Variants in SHROOM2 observed in about 807,000 individuals in gnomAD.
The protein encoded by SHROOM2 is protein Shroom2.
Under a neutral mutation model 75.9 loss-of-function variants are expected in SHROOM2, and 33 were observed. The observed-to-expected ratio is 0.43, with a 90% CI of 0.33 to 0.58. The LOEUF is 0.58. Among genes scored for constraint, SHROOM2 ranks in the 20% least tolerant of loss-of-function variants. The probability of loss-of-function intolerance (pLI) is 0.04; values close to 1 mark genes in which losing one functional copy is unlikely to be tolerated. For synonymous variants in SHROOM2, 655 were observed against 663.6 expected, an observed-to-expected ratio of 0.99 and a Z score of 0.20; for missense variants, 1,434 against 1,461.2, an observed-to-expected ratio of 0.98 and a Z score of 0.30.
At chrX:9,797,623 T>C (rs909579524) in intron 1 of SHROOM2, among the ~76,000 whole-genome samples, 6 of 112,483 alleles carry the variant, frequency 5.3e-5, no homozygotes, top group Non-Finnish European at 7.5e-5. Flanking sequence ...TCCACGCCCA[T>C]TGGCGTCTTT....
chrX:9,877,952 G>A (rs1018548084), intron 2 of SHROOM2, among the ~76,000 whole-genome samples: 5 of 111,305 alleles, frequency 4.5e-5, no homozygotes, highest in Admixed American at 3.8e-4. Context: ...GTTGCCTGTT[G>A]CTGTCTTCTC....
intron 6 of SHROOM2, among the ~76,000 whole-genome samples, chrX:9,934,791 T>A (rs1354904516): frequency 9.0e-6 from 1 of 110,881 alleles, no homozygotes; most frequent in African/African-American, 3.3e-5. Flanking sequence ...TCCTTCCCGG[T>A]ACTGTATTTT....
intron 1 of SHROOM2, among the ~76,000 whole-genome samples, chrX:9,812,353 A>G (rs1371167429): frequency 1.8e-5 from 2 of 111,604 alleles, no homozygotes; most frequent in Non-Finnish European, 3.8e-5. Flanking sequence ...CCCATTCAAA[A>G]CTGGCAGCCT....
chrX:9,893,971 A>G (rs2084308375), intron 3 of SHROOM2, among the ~76,000 whole-genome samples: 2 of 109,747 alleles, frequency 1.8e-5, no homozygotes, highest in African/African-American at 6.7e-5. Flanking sequence ...AAAAAAACCA[A>G]AATCAACAAC....
At chrX:9,860,268 G>A (rs1475612426) in intron 1 of SHROOM2, among the ~76,000 whole-genome samples, 1 of 111,828 alleles carries the variant, frequency 8.9e-6, no homozygotes, top group Non-Finnish European at 1.9e-5. Context: ...GTGGTTTGGA[G>A]TGTCCTATTG....
intron 1 of SHROOM2, among the ~76,000 whole-genome samples, chrX:9,800,604 G>C (rs2083719133): frequency 9.1e-6 from 1 of 109,434 alleles, no homozygotes; most frequent in South Asian, 4.1e-4. Flanking sequence ...GCCTCCCAAA[G>C]TGCTGAGATT....
chrX:9,942,316 G>A (rs1012941511), intron 8 of SHROOM2, among the ~76,000 whole-genome samples: 5 of 111,777 alleles, frequency 4.5e-5, no homozygotes, highest in African/African-American at 1.6e-4. Context: ...CACACACCCA[G>A]CGAGCAGTCA....
intron 1 of SHROOM2, among the ~76,000 whole-genome samples, chrX:9,831,741 G>T (rs1022349819): frequency 1.6e-4 from 18 of 111,982 alleles, no homozygotes; most frequent in African/African-American, 5.8e-4. Flanking sequence ...AGGCGTGGCA[G>T]ATTCAGTGTC....
In SHROOM2 at chrX:9,894,728, G is replaced by T. The variant is rs373429063; in HGVS notation, c.820G>T (p.Gly274Cys). Residue 274 changes from glycine (G) to cysteine (C), a missense_variant, in exon 4 of 10, where the codon GGT becomes TGT. Coordinates refer to ENST00000380913, the MANE Select transcript of SHROOM2 (RefSeq NM_001649.4). ...CAGTTGTTTCCCGCCCAGGGTCCCCGGTGACAGCGGCAAAGGCCCCAGGCC... is the reference window on the plus strand; with the variant it reads ...CAGTTGTTTCCCGCCCAGGGTCCCCTGTGACAGCGGCAAAGGCCCCAGGCC... ...KLSCFPPRVP[G>C]DSGKGPRPEY... The T allele has an allele frequency of 1.7e-6, 2 of 1,210,987 alleles. No homozygotes were observed. Among genetic ancestry groups the T allele is most frequent in the South Asian group, 1.8e-5 (1 of 56,812 alleles).
At chrX:9,904,549 TGGG>T (rs2147025690) in intron 5 of SHROOM2, among the ~76,000 whole-genome samples, 1 of 111,649 alleles carries the variant, frequency 9.0e-6, no homozygotes, top group South Asian at 3.8e-4. Flanking sequence ...CGGCCTCTCT[TGGG>T]GGAGAGACTC....
chrX:9,902,333 G>A (rs149189916), intron 5 of SHROOM2, among the ~76,000 whole-genome samples: 1,859 of 110,509 alleles, frequency 0.017, 23 homozygotes, highest in Middle Eastern at 0.037. Context: ...ATGGATACAT[G>A]GGTGCATGGA....
rs377359384 is a variant in SHROOM2, at chrX:9,939,239, A to C, written c.4184A>C (p.Asn1395Thr). 1 of 1,208,550 alleles carries C rather than the reference A, an allele frequency of 8.3e-7. No homozygotes were observed. The highest frequency in any genetic ancestry group is 1.7e-5 in the African/African-American group (1 of 57,269). ...CCTGCGGCCGTGTCCCTGGCCACCA[A>C]TTCTACCTACTACAGCACGTCGGCC... is the stretch of plus-strand genomic sequence containing the variant. Reference protein sequence around the residue: ...SVPAAVSLATNSTYYSTSAPK... With the variant: ...SVPAAVSLATTSTYYSTSAPK... The change falls in exon 8 of 10, where the codon AAT (asparagine) becomes ACT (threonine). Residue 1395 changes from asparagine to threonine, a missense_variant. Physicochemically the swap from Asn to Thr is moderately conservative, Grantham distance 65. Coordinates refer to ENST00000380913, the MANE Select transcript of SHROOM2 (RefSeq NM_001649.4).
Position 9,895,747 on chromosome X carries a change from C to T in SHROOM2, c.1839C>T (p.Asp613=), listed in dbSNP as rs371921297. Residue 613 remains aspartate (D), a synonymous_variant, in exon 4 of 10, where the codon GAC becomes GAT. Transcript: ENST00000380913. ...GCGCCACCAGACCGCCACCGTTCGA[C>T]GCCCACGTGGGCAAGCCCACCCGAA... The part of the protein sequence containing the change: ...EDSATRPPPF[D]AHVGKPTRRS... 1.9e-5 allele frequency: 23 copies of T among 1,198,744 alleles called. No individual in the cohort carries two copies. Among genetic ancestry groups the T allele is most frequent in the Middle Eastern group, 2.3e-4 (1 of 4,344 alleles).
chrX:9,848,688 A>C (rs1418675843), intron 1 of SHROOM2, among the ~76,000 whole-genome samples: 1 of 109,862 alleles, frequency 9.1e-6, no homozygotes, highest in Non-Finnish European at 1.9e-5. Context: ...TAAGCATGTT[A>C]CCTCATATCT....
chrX:9,840,691 G>A (rs2083975014), intron 1 of SHROOM2, among the ~76,000 whole-genome samples: 1 of 112,040 alleles, frequency 8.9e-6, no homozygotes, highest in Admixed American at 9.6e-5. Flanking sequence ...TAGGGTAGAT[G>A]CTTCTAATCT....
Position 9,939,258 on chromosome X carries a change from G to T in SHROOM2, c.4203G>T (p.Thr1401=), listed in dbSNP as rs760749357. 8.3e-7 allele frequency: 1 copy of T among 1,209,909 alleles called. No individual in the cohort carries two copies. The highest frequency in any genetic ancestry group is 1.1e-6 in the Non-Finnish European group (1 of 894,461). Residue 1401 remains threonine (T), a synonymous_variant, in exon 8 of 10, where the codon ACG becomes ACT. Coordinates refer to ENST00000380913, the MANE Select transcript of SHROOM2 (RefSeq NM_001649.4). ...CCACCAATTCTACCTACTACAGCAC[G>T]TCGGCCCCCAAGGCGGAGCTGCTGA... ...SLATNSTYYS[T]SAPKAELLIK... is the part of the protein sequence containing the mutation.
chrX:9,808,934 T>C (rs2083775090), intron 1 of SHROOM2, among the ~76,000 whole-genome samples: 1 of 110,679 alleles, frequency 9.0e-6, no homozygotes, highest in African/African-American at 3.3e-5. Context: ...GGGTACAGTT[T>C]AGTGGTATTT....
intron 1 of SHROOM2, among the ~76,000 whole-genome samples, chrX:9,830,584 C>CTTTTTTTTTTTT (rs1166769024): frequency 8.9e-5 from 3 of 33,647 alleles, no homozygotes; most frequent in African/African-American, 2.4e-4. Flanking sequence ...CCCCTGGTTT[C>CTTTTTTTTTTTT]TTTTTTTTTT....
At chrX:9,819,219 A>C in intron 1 of SHROOM2, 3 of 942,684 alleles carry the variant, frequency 3.2e-6, no homozygotes, top group East Asian at 3.1e-5. Context: ...ACAGAGAACA[A>C]ATTTTTTAAT....
Sources: allele counts gnomAD v4.1 joint callset (sites outside exome capture counted in the v4.1 genomes callset), GRCh38; gene constraint gnomAD v4.1.1; transcripts MANE v1.5; gene names NCBI Gene and HGNC (gene_info 2026-07-23, HGNC 2026-07-21).